SLCO1C1: variants seen among roughly 807,000 people sequenced by gnomAD.
SLCO1C1 encodes the protein solute carrier organic anion transporter family member 1C1.
SLCO1C1 carries 70 observed loss-of-function variants against 76.4 expected under a neutral mutation model. The observed-to-expected ratio is 0.92, with a 90% CI of 0.76 to 1.12. SLCO1C1 has a LOEUF of 1.12. SLCO1C1 is among the 50% of genes most tolerant of loss of function. The pLI is 0.00. For synonymous variants in SLCO1C1, 306 were observed against 286.1 expected (o/e 1.07, Z -0.70); for missense variants, 912 against 823.8 (o/e 1.11, Z -1.31).
chr12:20,743,466 T>A (rs1358701388), intron 13 of SLCO1C1, 97 bp downstream of exon 13: 3 of 906,748 alleles, frequency 3.3e-6, no homozygotes, highest in African/African-American at 3.3e-5. Flanking sequence ...CATAAATATA[T>A]GTTGTAGGTG....
At chr12:20,716,985 G>C in intron 6 of SLCO1C1, 147 bp from the exon 7 acceptor site, 2 of 627,768 alleles carry the variant, frequency 3.2e-6, no homozygotes, top group Non-Finnish European at 5.3e-6. Context: ...GATTTGATGT[G>C]GTTTTAAAGT....
intron 7 of SLCO1C1, among the ~76,000 whole-genome samples, chr12:20,717,437 GGTTT>G (rs1406243437): frequency 1.3e-5 from 2 of 151,700 alleles, no homozygotes; most frequent in Admixed American, 1.3e-4. Context: ...GATGACCAAT[GGTTT>G]GTTATTAAGA....
intron 4 of SLCO1C1, among the ~76,000 whole-genome samples, chr12:20,711,037 C>T (rs1225732307): frequency 6.6e-6 from 1 of 152,220 alleles, no homozygotes; most frequent in Admixed American, 6.5e-5. Context: ...TTGGGCCACA[C>T]ATAAAATACA....
chr12:20,700,116 C>G (rs1249806874), intron 2 of SLCO1C1: 1 of 148,386 alleles, frequency 6.7e-6, no homozygotes, highest in Non-Finnish European at 1.5e-5. Context: ...ATTGTTGTAT[C>G]AAACAATAGT....
intron 13 of SLCO1C1, among the ~76,000 whole-genome samples, chr12:20,746,356 G>GA (rs34727412): frequency 0.44 from 66,193 of 151,740 alleles, 17,161 homozygotes; most frequent in South Asian, 0.63. Flanking sequence ...AAATAAAGGA[G>GA]AAAAAAATCA....
rs763928214 is a variant in SLCO1C1 at position 20,750,752 on chromosome 12, A to G, written c.1876A>G (p.Ser626Gly). 6.2e-7 allele frequency: 1 copy of G among 1,614,052 alleles called. No homozygotes were observed. Among genetic ancestry groups the G allele is most frequent in the Admixed American group, 1.7e-5 (1 of 60,030 alleles). The change falls in exon 14 of 15, where the codon AGT becomes GGT. Residue 626 changes from serine (S) to glycine (G), a missense_variant. By Grantham distance (56) the Ser-to-Gly change is moderately conservative. Coordinates refer to ENST00000266509, the MANE Select transcript of SLCO1C1 (RefSeq NM_017435.5). ...CLKWGFKRCG[S>G]RGSCRLYDSN... ...CAAATGGGGATTTAAAAGATGTGGA[A>G]GTAGAGGATCATGCAGATTATATGA... is the stretch of plus-strand genomic sequence containing the variant.
chr12:20,700,286 G>T (rs984096318), intron 2 of SLCO1C1: 5 of 151,726 alleles, frequency 3.3e-5, no homozygotes, highest in African/African-American at 1.2e-4. Flanking sequence ...ATGTCATAAA[G>T]ATTTTTATTT....
intron 3 of SLCO1C1, among the ~76,000 whole-genome samples, chr12:20,705,486 T>C (rs1401424463): frequency 6.6e-6 from 1 of 152,024 alleles, no homozygotes; most frequent in African/African-American, 2.4e-5. Context: ...TAAAGTACAG[T>C]TGTGTTTAAT....
intron 9 of SLCO1C1, among the ~76,000 whole-genome samples, chr12:20,727,564 C>T (rs1948076534): frequency 6.6e-6 from 1 of 152,218 alleles, no homozygotes. Context: ...GGCTGGAGTG[C>T]AGTGGCGCCA....
At chr12:20,735,116 A>T (rs1210892391) in intron 10 of SLCO1C1, among the ~76,000 whole-genome samples, 15 of 152,198 alleles carry the variant, frequency 9.9e-5, no homozygotes, top group Admixed American at 9.8e-4. Context: ...TAAACTTTCA[A>T]TACTATAAAG....
intron 1 of SLCO1C1, among the ~76,000 whole-genome samples, chr12:20,697,900 G>A (rs1437692196): frequency 6.6e-6 from 1 of 152,020 alleles, no homozygotes; most frequent in Non-Finnish European, 1.5e-5. Flanking sequence ...TGGAGACAAT[G>A]ATTATCTGTT....
At position 20,737,201 on chromosome 12, in the gene SLCO1C1, GA is replaced by G; in HGVS notation, c.1481del (p.Asn494MetfsTer44). 4 of 1,571,844 alleles carry G rather than the reference GA, an allele frequency of 2.5e-6. No individual in the cohort carries two copies. Among genetic ancestry groups the G allele is most frequent in the South Asian group, 1.2e-5 (1 of 82,982 alleles). On this transcript the variant is annotated frameshift_variant, in exon 11 of 15. Transcript: ENST00000266509. LOFTEE classifies it high-confidence loss of function. The stretch of plus-strand genomic sequence containing the variant: ...GACAAAATGGGAACCCATGTGCGGT[GA>G]AAATGGAATCACATATGTATCAGCT... ...SETKWEPMCG[E>X]NGITYVSACL...
chr12:20,704,427 C>T (rs951883878), intron 3 of SLCO1C1, among the ~76,000 whole-genome samples: 14 of 151,452 alleles, frequency 9.2e-5, no homozygotes, highest in African/African-American at 3.4e-4. Flanking sequence ...TATGTTGGTT[C>T]GTTTATTGTG....
Position 20,723,238 on chromosome 12 carries a change from G to A in SLCO1C1, c.1170G>A (p.Arg390=), listed in dbSNP as rs1947770670. ...AGCAGTATGGACAGTCATCCTCCAG[G>A]GCCAACTTTGTGATCGGTATGCTCA... is the stretch of plus-strand genomic sequence containing the variant. The part of the protein sequence containing the change: ...IEQQYGQSSS[R]ANFVIGLINI... The change falls in exon 9 of 15, where the codon AGG becomes AGA. Residue 390 remains arginine, a synonymous_variant. Transcript: ENST00000266509. The A allele has an allele frequency of 1.2e-6, 2 of 1,613,478 alleles. No individual in the cohort carries two copies. Among genetic ancestry groups the A allele is most frequent in the Non-Finnish European group, 1.7e-6 (2 of 1,179,792 alleles).
chr12:20,721,309 T>C (rs34049586), intron 7 of SLCO1C1, among the ~76,000 whole-genome samples: 26,175 of 152,154 alleles, frequency 0.17, 2,961 homozygotes, highest in Non-Finnish European at 0.25. Flanking sequence ...ATCATTTTCT[T>C]ATGTTCATAC....
chr12:20,702,014 G>C (rs913401405), intron 3 of SLCO1C1, among the ~76,000 whole-genome samples: 3 of 151,858 alleles, frequency 2.0e-5, no homozygotes, highest in Non-Finnish European at 4.4e-5. Context: ...GTTAGCAATT[G>C]ACTACAGACT....
At chr12:20,721,661 C>T in intron 7 of SLCO1C1, 143 bp from the exon 8 acceptor site, 1 of 1,064,166 alleles carries the variant, frequency 9.4e-7, no homozygotes, top group Non-Finnish European at 1.3e-6. Context: ...TGGTAAGATC[C>T]AGATAAAAAA....
chr12:20,723,100 A>C lies in SLCO1C1; in HGVS notation c.1032A>C (p.Pro344=), dbSNP rs1310073636. ...ATTTTTGTTTTACAGATTTTCTTCC[A>C]TCACTGAAGAATCTTTTTGGAAACC... ...KIMEMARDFL[P]SLKNLFGNPV... is the part of the protein sequence containing the mutation. Residue 344 remains proline, a synonymous_variant, in exon 9 of 15, where the codon CCA becomes CCC. Coordinates refer to ENST00000266509, the MANE Select transcript of SLCO1C1 (RefSeq NM_017435.5). 1.2e-6 allele frequency: 2 copies of C among 1,601,068 alleles called. No individual in the cohort carries two copies. The highest frequency in any genetic ancestry group is 1.7e-6 in the Non-Finnish European group (2 of 1,176,052).
intron 5 of SLCO1C1, among the ~76,000 whole-genome samples, chr12:20,714,330 G>A (rs886681764): frequency 2.0e-5 from 3 of 152,204 alleles, no homozygotes; most frequent in Non-Finnish European, 4.4e-5. Context: ...AGTGATGATT[G>A]TTGGAGGTTG....
Sources: allele counts gnomAD v4.1 joint callset (sites outside exome capture counted in the v4.1 genomes callset), GRCh38; gene constraint gnomAD v4.1.1; transcripts MANE v1.5; gene names NCBI Gene and HGNC (gene_info 2026-07-23, HGNC 2026-07-21).